Variants in TBX1 observed in about 807,000 individuals in gnomAD.
TBX1 encodes the protein T-box transcription factor TBX1.
Under a neutral mutation model 40.8 loss-of-function variants are expected in TBX1, and 16 were observed. That is an observed-to-expected ratio of 0.39 (90% confidence interval 0.27 to 0.60). The LOEUF (loss-of-function observed/expected upper bound fraction) is 0.60, where lower values mean the gene tolerates loss of function less well. Among genes scored for constraint, TBX1 ranks in the 20% least tolerant of loss-of-function variants. The pLI is 0.51. For missense variants in TBX1, 755 were observed against 728.5 expected (o/e 1.04, Z -0.42); for synonymous variants, 403 against 336.8 (o/e 1.20, Z -2.15).
At chr22:19,759,053 C>T (rs948190396), upstream of TBX1, among the ~76,000 whole-genome samples, 5 of 152,084 alleles carry the variant, frequency 3.3e-5, no homozygotes, top group Non-Finnish European at 7.4e-5. Flanking sequence ...GGGCTGGGCT[C>T]CGGCAGCCAC....
chr22:19,759,573 G>A (rs1428914737), upstream of TBX1: 3 of 1,593,402 alleles, frequency 1.9e-6, no homozygotes, highest in African/African-American at 1.3e-5. Flanking sequence ...GCGGCGGAGC[G>A]CACCGCCCAC....
At chr22:19,764,522 G>C (rs756838596) in intron 3 of TBX1, among the ~76,000 whole-genome samples, 196 bp downstream of exon 3, 1 of 152,256 alleles carries the variant, frequency 6.6e-6, no homozygotes, top group Non-Finnish European at 1.5e-5. Context: ...CTGGTGTGCC[G>C]ATGAGGAGAG....
At chr22:19,764,544 C>T (rs1029470545) in intron 3 of TBX1, among the ~76,000 whole-genome samples, 1 of 152,232 alleles carries the variant, frequency 6.6e-6, no homozygotes, top group Non-Finnish European at 1.5e-5. Context: ...GGCCTCTGGT[C>T]AGGGGTCGCA....
intron 8 of TBX1, among the ~76,000 whole-genome samples, chr22:19,778,888 C>T (rs1937106812): frequency 6.6e-6 from 1 of 152,102 alleles, no homozygotes; most frequent in African/African-American, 2.4e-5. Context: ...CACTGCACTC[C>T]AGCCTAGGCA....
At chr22:19,768,583 C>T (rs1205254455), downstream of TBX1, among the ~76,000 whole-genome samples, 1 of 152,210 alleles carries the variant, frequency 6.6e-6, no homozygotes, top group Non-Finnish European at 1.5e-5. Flanking sequence ...TGATCCCCAC[C>T]TGCGTGAACT....
chr22:19,760,920 G>T lies in TBX1; in HGVS notation c.77G>T (p.Ser26Ile). 2 of 1,045,876 alleles carry T rather than the reference G, an allele frequency of 1.9e-6. No homozygotes were observed. Among genetic ancestry groups the T allele is most frequent in the Non-Finnish European group, 2.3e-6 (2 of 860,294 alleles). 64.8% of individuals were successfully genotyped at this position (1,045,876 alleles called of 1,614,324 possible). A position where few individuals can be genotyped will look rare whatever the true frequency, so the allele number is the denominator to read the frequency against. The change falls in exon 1 of 7, where the codon AGC (serine) becomes ATC (isoleucine). Residue 26 changes from serine (S) to isoleucine (I), a missense_variant. By Grantham distance (142) the Ser-to-Ile change is moderately radical. Coordinates refer to ENST00000649276, the MANE Select transcript of TBX1 (RefSeq NM_001379200.1). ...GACGTTGCAGCCTTCACGGCCAGCA[G>T]CCTGAGCAGCCTGGGGGCCGCGGGG... ...FCDVAAFTAS[S>I]LSSLGAAGGF...
upstream of TBX1, among the ~76,000 whole-genome samples, chr22:19,757,403 G>A (rs1335816685): frequency 6.6e-6 from 1 of 152,180 alleles, no homozygotes; most frequent in Admixed American, 6.5e-5. Flanking sequence ...GGCTGACCCA[G>A]AGTCTCCAGG....
At chr22:19,780,868 T>C (rs1480453844), downstream of TBX1, among the ~76,000 whole-genome samples, 1 of 147,204 alleles carries the variant, frequency 6.8e-6, no homozygotes, top group Non-Finnish European at 1.5e-5. Flanking sequence ...CTGCAAGCTC[T>C]GCCTCCTGGG....
downstream of TBX1, among the ~76,000 whole-genome samples, chr22:19,767,647 T>A (rs1271172631): frequency 2.0e-5 from 3 of 152,212 alleles, no homozygotes; most frequent in African/African-American, 7.2e-5. Context: ...GCATCCTGCC[T>A]TTTTACTTAA....
At chr22:19,757,491 C>T (rs1359541364), upstream of TBX1, among the ~76,000 whole-genome samples, 2 of 152,202 alleles carry the variant, frequency 1.3e-5, no homozygotes, top group Admixed American at 6.5e-5. Flanking sequence ...TGGCCAGTGC[C>T]CTGAGGTGTG....
At chr22:19,780,486 T>G (rs1057390759), downstream of TBX1, among the ~76,000 whole-genome samples, 3 of 152,208 alleles carry the variant, frequency 2.0e-5, no homozygotes, top group African/African-American at 7.2e-5. Flanking sequence ...CTGTTGTATG[T>G]CTGTACCACG....
chr22:19,757,112 G>A (rs1361298495), upstream of TBX1, among the ~76,000 whole-genome samples: 5 of 152,192 alleles, frequency 3.3e-5, no homozygotes, highest in African/African-American at 9.6e-5. Flanking sequence ...AACGGGGTCC[G>A]GGGGTCCGAA....
At chr22:19,759,632 TC>T (rs778833362), upstream of TBX1, 11 of 1,612,130 alleles carry the variant, frequency 6.8e-6, no homozygotes, top group East Asian at 1.8e-4. Context: ...GCTGCCAGGA[TC>T]CCCGGCAGGG....
In TBX1 at chr22:19,766,667, A is replaced by G. The variant is rs749185545; in HGVS notation, c.1315A>G (p.Lys439Glu). 2 of 1,551,246 alleles carry G rather than the reference A, an allele frequency of 1.3e-6. 1 individual carries two copies. The highest frequency in any genetic ancestry group is 2.3e-5 in the South Asian group (2 of 86,538). The change falls in exon 7 of 7, where the codon AAG (lysine) becomes GAG (glutamate). Residue 439 changes from lysine (K) to glutamate (E), a missense_variant. Lys to Glu is a moderately conservative substitution (Grantham distance 56). Coordinates refer to ENST00000649276, the MANE Select transcript of TBX1 (RefSeq NM_001379200.1). ...AAAYDHYLGA[K>E]SRPAPYPLPG... is the part of the protein sequence containing the mutation. ...CGCCTACGACCACTATCTCGGGGCC[A>G]AGAGCCGGCCGGCGCCCTACCCGCT...
rs573770417 is a variant in TBX1, at chr22:19,763,446, C to T, written c.539+104C>T. 5.9e-6 allele frequency: 6 copies of T among 1,008,516 alleles called. No individual in the cohort carries two copies. The East Asian group carries it at 1.0e-4, about 17-fold the overall frequency. 62.5% of individuals were successfully genotyped at this position (1,008,516 alleles called of 1,614,324 possible). On this transcript the variant is annotated intron_variant, in intron 2 of 6. Transcript: ENST00000649276. ...CAAGGGTCGTCTGCACCATGAAACT[C>T]TTTAGGCACCTGCGATGCTGCCCGA...
At chr22:19,758,097 C>T (rs558332373), upstream of TBX1, among the ~76,000 whole-genome samples, 57 of 152,292 alleles carry the variant, frequency 3.7e-4, no homozygotes, top group African/African-American at 1.2e-3. Flanking sequence ...TCCCCACTGG[C>T]GCCCAGCCCC....
At chr22:19,775,375 G>C (rs1183426222) in intron 8 of TBX1, among the ~76,000 whole-genome samples, 1 of 152,236 alleles carries the variant, frequency 6.6e-6, no homozygotes, top group Non-Finnish European at 1.5e-5. Context: ...GATTACAGGA[G>C]TGAGGCGCTG....
Position 19,766,253 on chromosome 22 carries a change from C to T in TBX1, c.1037-136C>T, listed in dbSNP as rs146055569. 3,010 of 1,161,324 alleles carry T rather than the reference C, an allele frequency of 2.6e-3. 69 individuals carry two copies. In the African/African-American group the frequency reaches 0.044, roughly 17 times the overall value. The allele number at this position is 1,161,324 out of a possible 1,614,324, so 71.9% of individuals were successfully genotyped here. A position where few individuals can be genotyped will look rare whatever the true frequency, so the allele number is the denominator to read the frequency against. On this transcript the variant is annotated intron_variant, in intron 6 of 6. Coordinates refer to ENST00000649276, the MANE Select transcript of TBX1 (RefSeq NM_001379200.1). ...TCGGGGCGCCGGCGACTTGGGGTCT[C>T]GGGCACGCTGGCACCGACTGGTCGG...
rs1329748945 is a variant in TBX1, at chr22:19,766,501, C to CA, written c.1149_1150insA (p.Gly384ArgfsTer242). ...CCCGGGTGCTAAGCCCCTCGCTGCC[C>CA]GGGGCCGGCGGCGCCGGCGGCTTAG... On this transcript the variant is annotated frameshift_variant, in exon 7 of 7. Coordinates refer to ENST00000649276, the MANE Select transcript of TBX1 (RefSeq NM_001379200.1). LOFTEE classifies it high-confidence loss of function. The CA allele has an allele frequency of 1.1e-5, 14 of 1,309,392 alleles. No individual in the cohort carries two copies. The African/African-American group carries it at 2.2e-4, about 20-fold the overall frequency. 81.1% of individuals were successfully genotyped at this position (1,309,392 alleles called of 1,614,324 possible). A position where few individuals can be genotyped will look rare whatever the true frequency, so the allele number is the denominator to read the frequency against.
Sources: gnomAD v4.1 joint callset for allele counts (sites outside exome capture counted in the v4.1 genomes callset) on GRCh38, gnomAD v4.1.1 for gene constraint, MANE v1.5 for transcripts, NCBI Gene and HGNC (gene_info 2026-07-23, HGNC 2026-07-21) for gene names.